The following LIN9 variants were observed in gnomAD, a reference collection of about 807,000 sequenced individuals.
The protein encoded by LIN9 is lin-9 DREAM MuvB core complex component, also known as protein lin-9 homolog.
A neutral mutation model predicts 78.0 loss-of-function variants in LIN9; 18 were observed. That is an observed-to-expected ratio of 0.23 (90% CI 0.16 to 0.34). The LOEUF is 0.34. Ranked by LOEUF, LIN9 falls within the 10% of genes least tolerant of loss-of-function variation. The pLI is 1.00. For missense variants in LIN9, 451 were observed against 644.1 expected (o/e 0.70, Z 3.25); for synonymous variants, 192 against 215.2 (o/e 0.89, Z 0.94).
At chr1:226,277,986 T>TA in intron 6 of LIN9, 54 bp from the exon 7 acceptor site, 1 of 1,428,038 alleles carries the variant, frequency 7.0e-7, no homozygotes, top group Non-Finnish European at 9.6e-7. Context: ...TATAAAAACT[T>TA]AAAATCTTTT....
intron 10 of LIN9, among the ~76,000 whole-genome samples, chr1:226,260,628 G>GTTTTTTTTTTTTT (rs559460640): frequency 4.1e-5 from 3 of 73,434 alleles, no homozygotes; most frequent in African/African-American, 1.0e-4. Context: ...GGCCAAATGA[G>GTTTTTTTTTTTTT]TTTTTTTTTT....
At chr1:226,236,581 G>A (rs190403145) in intron 12 of LIN9, among the ~76,000 whole-genome samples, 3,028 of 152,108 alleles carry the variant, frequency 0.02, 49 homozygotes, top group Non-Finnish European at 0.029. Context: ...TCAGCCTCCC[G>A]AGTAGCTGGG....
intron 12 of LIN9, among the ~76,000 whole-genome samples, chr1:226,235,591 A>G (rs1261203158): frequency 6.6e-6 from 1 of 152,172 alleles, no homozygotes; most frequent in African/African-American, 2.4e-5. Context: ...TGCTCCAGGG[A>G]GCATTTCCTT....
upstream of LIN9, chr1:226,309,626 AG>A (rs1411165931): frequency 7.9e-7 from 1 of 1,269,274 alleles, no homozygotes; most frequent in African/African-American, 1.5e-5. Context: ...AAATACTCAC[AG>A]TTCCCGAAAC....
chr1:226,238,422 C>G (rs962893358), intron 12 of LIN9, among the ~76,000 whole-genome samples: 1 of 152,058 alleles, frequency 6.6e-6, no homozygotes, highest in Non-Finnish European at 1.5e-5. Context: ...CTTGAGCCCA[C>G]GAGTTTGAGA....
chr1:226,253,926 AAAAGAAAG>A (rs1253479989), intron 10 of LIN9, among the ~76,000 whole-genome samples: 1 of 152,050 alleles, frequency 6.6e-6, no homozygotes, highest in Non-Finnish European at 1.5e-5. Context: ...AAAAAGAAAA[AAAAGAAAG>A]AAAGAAATAA....
At chr1:226,276,996 A>C (rs2102942113) in intron 7 of LIN9, among the ~76,000 whole-genome samples, 1 of 152,258 alleles carries the variant, frequency 6.6e-6, no homozygotes, top group East Asian at 1.9e-4. Context: ...AGACAAGGCT[A>C]GTTAGGAAAG....
intron 6 of LIN9, among the ~76,000 whole-genome samples, chr1:226,278,592 G>A (rs997392734): frequency 1.3e-5 from 2 of 151,838 alleles, no homozygotes; most frequent in Non-Finnish European, 2.9e-5. Context: ...GGGAGGCCAC[G>A]GCGGGTGGAT....
At chr1:226,275,324 T>C (rs762065145) in intron 7 of LIN9, among the ~76,000 whole-genome samples, 1 of 152,170 alleles carries the variant, frequency 6.6e-6, no homozygotes, top group Admixed American at 6.5e-5. Context: ...GGTGGCAGCC[T>C]AGATTTGGCC....
At chr1:226,242,874 A>G (rs1244448582) in intron 11 of LIN9, among the ~76,000 whole-genome samples, 5 of 145,114 alleles carry the variant, frequency 3.4e-5, no homozygotes, top group Non-Finnish European at 7.5e-5. Flanking sequence ...CGCTTAATGA[A>G]TAATGAATAT....
intron 2 of LIN9, among the ~76,000 whole-genome samples, chr1:226,300,771 G>A (rs924921090): frequency 6.6e-6 from 1 of 152,044 alleles, no homozygotes; most frequent in Non-Finnish European, 1.5e-5. Flanking sequence ...CAGGAGAATC[G>A]CTTGAGCCTG....
At chr1:226,285,109 T>C (rs1039014493) in intron 6 of LIN9, among the ~76,000 whole-genome samples, 17 of 152,274 alleles carry the variant, frequency 1.1e-4, no homozygotes, top group East Asian at 5.8e-4. Flanking sequence ...GGTAAGAGAA[T>C]AGAAGATCAA....
rs182073144 is a variant in LIN9, at chr1:226,286,727, C to T, written c.399-269G>A. On this transcript the variant is annotated intron_variant, in intron 5 of 14. Transcript: ENST00000681046. Reference sequence around the variant, plus strand: ...ACAGGTATATCCTTTGGGAGGCTATCGTGGCCCTGGCCTTGTATCAGGTGA... The same window carrying T: ...ACAGGTATATCCTTTGGGAGGCTATTGTGGCCCTGGCCTTGTATCAGGTGA... 8.5e-5 allele frequency among the ~76,000 whole-genome samples: 13 copies of T among 152,262 alleles called. No homozygotes were observed. In the East Asian group the frequency reaches 1.9e-3, roughly 23 times the overall value.
At position 226,281,697 on chromosome 1, in the gene LIN9, T is replaced by TC. The variant is rs1265988519; in HGVS notation, c.525-3766dup. Among the ~76,000 whole-genome samples the TC allele has an allele frequency of 2.0e-5, 3 of 151,738 alleles. No individual in the cohort carries two copies. In the East Asian group the frequency reaches 5.8e-4, roughly 29 times the overall value. ...ATAGTTGACAATTTTTTTTTCTTTT[T>TC]CTTTTTTTTTTTTTGATTTGGAGTC... On this transcript the variant is annotated intron_variant, in intron 6 of 14. Coordinates refer to ENST00000681046, the MANE Select transcript of LIN9 (RefSeq NM_001366245.2).
chr1:226,238,029 A>T (rs1406190938), intron 12 of LIN9, among the ~76,000 whole-genome samples: 2 of 152,114 alleles, frequency 1.3e-5, no homozygotes, highest in Admixed American at 6.6e-5. Context: ...AAGTATGCAA[A>T]TTCAGGAGCA....
intron 1 of LIN9, among the ~76,000 whole-genome samples, chr1:226,302,876 T>C (rs1041558219): frequency 6.6e-6 from 1 of 152,190 alleles, no homozygotes; most frequent in Non-Finnish European, 1.5e-5. Flanking sequence ...ACACTATGCA[T>C]CTCTGATCAC....
chr1:226,285,813 A>G (rs1661352599), intron 6 of LIN9, among the ~76,000 whole-genome samples: 1 of 152,208 alleles, frequency 6.6e-6, no homozygotes, highest in African/African-American at 2.4e-5. Flanking sequence ...AAAAATGTAC[A>G]CAGAACTTTA....
intron 8 of LIN9, among the ~76,000 whole-genome samples, chr1:226,267,162 T>G (rs1332288389): frequency 2.0e-5 from 3 of 151,380 alleles, no homozygotes. Context: ...GTTCTACATT[T>G]AGTTCTAATT....
intron 2 of LIN9, among the ~76,000 whole-genome samples, chr1:226,298,841 G>A (rs890327677): frequency 4.6e-5 from 7 of 152,202 alleles, no homozygotes; most frequent in African/African-American, 7.2e-5. Context: ...GAAGCAAGCC[G>A]AGATAGCACC....
Sources: allele counts gnomAD v4.1 joint callset (sites outside exome capture counted in the v4.1 genomes callset), GRCh38; gene constraint gnomAD v4.1.1; transcripts MANE v1.5; gene names NCBI Gene and HGNC (gene_info 2026-07-23, HGNC 2026-07-21).